Variants in POM121C observed in about 807,000 individuals in gnomAD.
POM121C encodes the protein POM121 transmembrane nucleoporin C.
Under a neutral mutation model 66.4 loss-of-function variants are expected in POM121C, and 20 were observed. The observed-to-expected ratio is 0.30, with a 90% CI of 0.21 to 0.44. The LOEUF is 0.44. POM121C is among the 20% of genes least tolerant of loss of function. POM121C has a pLI of 1.00. For synonymous variants in POM121C, 286 were observed against 528.0 expected, an observed-to-expected ratio of 0.54 and a Z score of 6.28; for missense variants, 580 against 1,225.7, an observed-to-expected ratio of 0.47 and a Z score of 7.87.
chr7:75,440,763 G>C lies in POM121C; in HGVS notation c.227+191C>G. 3 of 883,264 alleles carry C rather than the reference G, an allele frequency of 3.4e-6. 1 individual carries two copies. In the South Asian group the frequency reaches 5.0e-5, roughly 15 times the overall value. The allele number at this position is 883,264 out of a possible 1,614,324, so 54.7% of individuals were successfully genotyped here. ...CACAGAAAAGGTAAATTATGACATC[G>C]ATCTAACCTGTGCCTTGAAATGAAC... On this transcript the variant is annotated intron_variant, in intron 5 of 14. Transcript: ENST00000615331.
Position 75,417,600 on chromosome 7 carries a change from AT to A in POM121C, c.*1195del. The A allele has an allele frequency of 1.0e-6, 1 of 981,982 alleles. No homozygotes were observed. Among genetic ancestry groups the A allele is most frequent in the Non-Finnish European group, 1.2e-6 (1 of 826,604 alleles). 60.8% of individuals were successfully genotyped at this position (981,982 alleles called of 1,614,324 possible). A position where few individuals can be genotyped will look rare whatever the true frequency, so the allele number is the denominator to read the frequency against. On this transcript the variant is annotated 3_prime_UTR_variant, in exon 15 of 15. Transcript: ENST00000615331. ...GAGGGCCCTGTTTGGGAAAAATAGG[AT>A]TTTAAAAATATGGTTCATTAATTTA...
In POM121C at chr7:75,456,790, A is replaced by T. The variant is rs587659314; in HGVS notation, c.-151-15143T>A. Reference sequence around the variant, plus strand: ...TGCCAAATGTTGTTTCCAGTTCCATAGGAGATGGAATAAGCACACCCATTA... The same window carrying T: ...TGCCAAATGTTGTTTCCAGTTCCATTGGAGATGGAATAAGCACACCCATTA... On this transcript the variant is annotated intron_variant, in intron 3 of 14. Coordinates refer to ENST00000615331, the MANE Select transcript of POM121C (RefSeq NM_001099415.3). Among the ~76,000 whole-genome samples the T allele has an allele frequency of 3.3e-5, 5 of 152,372 alleles. No individual in the cohort carries two copies. In the East Asian group the frequency reaches 9.6e-4, roughly 29 times the overall value.
chr7:75,469,915 T>A (rs1392317839), intron 3 of POM121C, among the ~76,000 whole-genome samples: 1 of 152,226 alleles, frequency 6.6e-6, no homozygotes. Flanking sequence ...CCCAAGGAAC[T>A]TTTTTCCCCT....
rs202184354 is a variant in POM121C at position 75,424,198 on chromosome 7, G to A, written c.899C>T (p.Thr300Ile). 1 of 1,612,032 alleles carries A rather than the reference G, an allele frequency of 6.2e-7. No homozygotes were observed. Among genetic ancestry groups the A allele is most frequent in the Non-Finnish European group, 8.5e-7 (1 of 1,179,872 alleles). The change falls in exon 12 of 15, where the codon ACC (threonine) becomes ATC (isoleucine). Residue 300 changes from threonine to isoleucine, a missense_variant. By Grantham distance (89) the Thr-to-Ile change is moderately conservative. Transcript: ENST00000615331. ...AAATGAAGGCTGAGTGGTAGGTGGG[G>A]TCTCAGTGACAGAGTTCGAGGCAGC... ...SDAASNSVTE[T>I]PPTTQPSFTF...
chr7:75,485,602 A>C (rs1792500401), intron 1 of POM121C, among the ~76,000 whole-genome samples: 1 of 152,140 alleles, frequency 6.6e-6, no homozygotes, highest in Non-Finnish European at 1.5e-5. Flanking sequence ...AGGAGGAGGA[A>C]GGACTGTTAG....
chr7:75,430,105 T>G (rs183537450), intron 7 of POM121C, among the ~76,000 whole-genome samples: 112 of 152,318 alleles, frequency 7.4e-4, no homozygotes, highest in African/African-American at 2.6e-3. Context: ...AAGTAATCAG[T>G]AGATGAAAGG....
Position 75,417,335 on chromosome 7 carries a change from C to T in POM121C, c.*1461G>A, listed in dbSNP as rs1554469926. The T allele has an allele frequency of 1.1e-6, 1 of 875,376 alleles. No individual in the cohort carries two copies. Among genetic ancestry groups the T allele is most frequent in the Non-Finnish European group, 1.4e-6 (1 of 729,360 alleles). 54.2% of individuals were successfully genotyped at this position (875,376 alleles called of 1,614,324 possible). A position where few individuals can be genotyped will look rare whatever the true frequency, so the allele number is the denominator to read the frequency against. ...GCACAGGCATAACTTAACTATACAG[C>T]TAATTCCTAGTTAATAGCATTTATA... On this transcript the variant is annotated 3_prime_UTR_variant, in exon 15 of 15. Coordinates refer to ENST00000615331, the MANE Select transcript of POM121C (RefSeq NM_001099415.3).
Position 75,441,486 on chromosome 7 carries a change from C to T in POM121C, c.11G>A (p.Ser4Asn), listed in dbSNP as rs1790647737. MVC[S>N]PVTVRIAPPD... ...AGGGGCGATCCTCACAGTCACTGGG[C>T]TACACACCATCCTGGAGTTGCGAGG... Residue 4 changes from serine to asparagine, a missense_variant, in exon 4 of 15, where the codon AGC becomes AAC. Ser to Asn is a conservative substitution (Grantham distance 46). Coordinates refer to ENST00000615331, the MANE Select transcript of POM121C (RefSeq NM_001099415.3). 6.2e-7 allele frequency: 1 copy of T among 1,613,824 alleles called. No individual in the cohort carries two copies. The highest frequency in any genetic ancestry group is 1.7e-5 in the Admixed American group (1 of 60,014).
At chr7:75,484,008 A>T (rs1792411049) in intron 1 of POM121C, among the ~76,000 whole-genome samples, 1 of 152,096 alleles carries the variant, frequency 6.6e-6, no homozygotes, top group Non-Finnish European at 1.5e-5. Flanking sequence ...AGGCTGAGGC[A>T]GGAGAATCAC....
At chr7:75,466,605 A>C (rs1554477887) in intron 3 of POM121C, among the ~76,000 whole-genome samples, 1 of 151,938 alleles carries the variant, frequency 6.6e-6, no homozygotes, top group African/African-American at 2.4e-5. Context: ...ACTCCATCTC[A>C]AAAAATAAAA....
intron 1 of POM121C, among the ~76,000 whole-genome samples, chr7:75,479,377 C>T (rs190398301): frequency 2.0e-5 from 3 of 152,144 alleles, no homozygotes; most frequent in Non-Finnish European, 2.9e-5. Flanking sequence ...GCACTTTGGG[C>T]GGCTGAGGCA....
intron 13 of POM121C, chr7:75,421,204 G>C: frequency 2.7e-6 from 2 of 728,326 alleles, no homozygotes. Context: ...TTGAACTCCT[G>C]TCCTCAAGTG....
intron 1 of POM121C, among the ~76,000 whole-genome samples, chr7:75,482,407 T>C (rs1792340071): frequency 6.6e-6 from 1 of 152,082 alleles, no homozygotes; most frequent in South Asian, 2.1e-4. Context: ...GAGAATACAT[T>C]TCTAGGCCGG....
intron 3 of POM121C, among the ~76,000 whole-genome samples, chr7:75,470,746 C>A (rs1449706327): frequency 1.3e-5 from 2 of 152,128 alleles, no homozygotes; most frequent in African/African-American, 4.8e-5. Context: ...AATCCTCCCA[C>A]CTCAGCCTCC....
In POM121C at chr7:75,441,450, C is replaced by G. The variant is rs1554473971; in HGVS notation, c.47G>C (p.Arg16Thr). ...TACTCACATCGCAGAACGTGAAAAT[C>G]TTCTGTCAGGAGGGGCGATCCTCAC... is the stretch of plus-strand genomic sequence containing the variant. The part of the protein sequence containing the change: ...VTVRIAPPDR[R>T]FSRSAIPEQI... The change falls in exon 4 of 15, where the codon AGA becomes ACA. Residue 16 changes from arginine (R) to threonine (T), a missense_variant. By Grantham distance (71) the Arg-to-Thr change is moderately conservative. Coordinates refer to ENST00000615331, the MANE Select transcript of POM121C (RefSeq NM_001099415.3). 6.2e-7 allele frequency: 1 copy of G among 1,613,976 alleles called. No homozygotes were observed. Among genetic ancestry groups the G allele is most frequent in the African/African-American group, 1.3e-5 (1 of 75,042 alleles).
At chr7:75,483,330 T>C (rs1398081366) in intron 1 of POM121C, among the ~76,000 whole-genome samples, 1 of 152,204 alleles carries the variant, frequency 6.6e-6, no homozygotes, top group African/African-American at 2.4e-5. Context: ...GTAACAAAAC[T>C]GGTTTCTCCT....
At chr7:75,442,733 C>G (rs1205226129) in intron 3 of POM121C, 2 of 1,353,072 alleles carry the variant, frequency 1.5e-6, no homozygotes, top group African/African-American at 1.5e-5. Flanking sequence ...GGCTCCGCGC[C>G]GCGGAGGAGA....
At chr7:75,475,485 T>TAA (rs1792040174) in intron 1 of POM121C, among the ~76,000 whole-genome samples, 1 of 151,658 alleles carries the variant, frequency 6.6e-6, no homozygotes, top group African/African-American at 2.4e-5. Context: ...AATAAGGAGA[T>TAA]AAACATGTAA....
At chr7:75,461,252 C>A (rs187242971) in intron 3 of POM121C, among the ~76,000 whole-genome samples, 2,590 of 152,114 alleles carry the variant, frequency 0.017, 38 homozygotes, top group Middle Eastern at 0.031. Context: ...TTAGACCATT[C>A]ACAGGAAAAA....
Sources: allele counts gnomAD v4.1 joint callset (sites outside exome capture counted in the v4.1 genomes callset), GRCh38; gene constraint gnomAD v4.1.1; transcripts MANE v1.5; gene names NCBI Gene and HGNC (gene_info 2026-07-23, HGNC 2026-07-21).